The following HTR2A variants were observed in gnomAD, a reference collection of about 807,000 sequenced individuals.
HTR2A encodes the protein 5-HT2 receptor.
In HTR2A, 14 loss-of-function variants were observed where a neutral mutation model predicts 31.0. That is an observed-to-expected ratio of 0.45 (90% CI 0.30 to 0.71). The LOEUF (loss-of-function observed/expected upper bound fraction) is 0.71, where lower values mean the gene tolerates loss of function less well. Among genes scored for constraint, HTR2A ranks in the 30% least tolerant of loss-of-function variants. The pLI is 0.09. For missense variants in HTR2A, 442 were observed against 573.3 expected (o/e 0.77, Z 2.34); for synonymous variants, 209 against 225.2 (o/e 0.93, Z 0.64).
chr13:46,892,647 A>T, intron 2 of HTR2A, 57 bp from the exon 3 acceptor site: 1 of 1,361,462 alleles, frequency 7.3e-7, no homozygotes, highest in African/African-American at 1.4e-5. Flanking sequence ...GAGCACATGT[A>T]TCCCTATCCT....
intron 3 of HTR2A, among the ~76,000 whole-genome samples, chr13:46,868,639 A>G (rs1449623590): frequency 3.3e-5 from 5 of 152,160 alleles, no homozygotes; most frequent in Non-Finnish European, 5.9e-5. Flanking sequence ...CCTATGTTCA[A>G]CTGAGTTTCT....
chr13:46,867,456 T>C (rs1017423384), intron 3 of HTR2A, among the ~76,000 whole-genome samples: 3 of 152,240 alleles, frequency 2.0e-5, no homozygotes, highest in African/African-American at 2.4e-5. Context: ...TATGAATTTG[T>C]AGCAATATTA....
Position 46,835,322 on chromosome 13 carries a change from T to C in HTR2A, c.931A>G (p.Thr311Ala). Residue 311 changes from threonine (T) to alanine (A), a missense_variant, in exon 4 of 4, where the codon ACT becomes GCT. This residue lies in a region of HTR2A where 174 missense variants were observed against 195.1 expected (regional missense o/e 0.89). Coordinates refer to ENST00000542664, the MANE Select transcript of HTR2A (RefSeq NM_000621.5). ...TGCTCATTGCTGATGGACTGCATAGTCCTCCTGCCTGTGTAGGACCCTGGC... is the reference window on the plus strand; with the variant it reads ...TGCTCATTGCTGATGGACTGCATAGCCCTCCTGCCTGTGTAGGACCCTGGC... The part of the protein sequence containing the change: ...REPGSYTGRR[T>A]MQSISNEQKA... 6.2e-7 allele frequency: 1 copy of C among 1,614,092 alleles called. No homozygotes were observed. The highest frequency in any genetic ancestry group is 1.1e-5 in the South Asian group (1 of 91,080).
intron 3 of HTR2A, among the ~76,000 whole-genome samples, chr13:46,870,512 CAA>C (rs1244756992): frequency 6.6e-6 from 1 of 152,136 alleles, no homozygotes; most frequent in East Asian, 1.9e-4. Context: ...ATGTGGCAGA[CAA>C]AATATGAAAA....
At chr13:46,897,712 T>G (rs1456428947), upstream of HTR2A, among the ~76,000 whole-genome samples, 1 of 152,232 alleles carries the variant, frequency 6.6e-6, no homozygotes, top group Non-Finnish European at 1.5e-5. Flanking sequence ...AATAGTTGGG[T>G]TTTGCTACAG....
At chr13:46,888,166 C>T (rs535653975) in intron 3 of HTR2A, among the ~76,000 whole-genome samples, 7 of 151,858 alleles carry the variant, frequency 4.6e-5, no homozygotes, top group African/African-American at 1.4e-4. Context: ...GAGTCCCAGA[C>T]ATGAGGAAGA....
At chr13:46,847,941 G>A (rs1231904575) in intron 3 of HTR2A, among the ~76,000 whole-genome samples, 1 of 152,078 alleles carries the variant, frequency 6.6e-6, no homozygotes, top group Non-Finnish European at 1.5e-5. Context: ...TCTCCCTCTT[G>A]TCTTACCCAC....
At chr13:46,847,852 A>G (rs895512955) in intron 3 of HTR2A, among the ~76,000 whole-genome samples, 11 of 152,166 alleles carry the variant, frequency 7.2e-5, no homozygotes, top group African/African-American at 2.7e-4. Flanking sequence ...CAGATAGATT[A>G]GTGCCCCTGG....
chr13:46,880,199 A>T (rs1950949303), intron 3 of HTR2A, among the ~76,000 whole-genome samples: 1 of 152,188 alleles, frequency 6.6e-6, no homozygotes, highest in African/African-American at 2.4e-5. Context: ...GGTTTTGGTT[A>T]GGCCAATGAA....
intron 3 of HTR2A, among the ~76,000 whole-genome samples, chr13:46,847,071 G>A (rs769629040): frequency 6.6e-6 from 1 of 152,188 alleles, no homozygotes. Flanking sequence ...ATAAGCCAAT[G>A]TCCTAGCTAC....
Position 46,834,714 on chromosome 13 carries a change from T to C in HTR2A, c.*123A>G, listed in dbSNP as rs1318305639. The C allele has an allele frequency of 4.3e-6, 3 of 701,666 alleles. No homozygotes were observed. Among genetic ancestry groups the C allele is most frequent in the Non-Finnish European group, 7.1e-6 (3 of 422,856 alleles). The allele number at this position is 701,666 out of a possible 1,614,324, so 43.5% of individuals were successfully genotyped here. A position where few individuals can be genotyped will look rare whatever the true frequency, so the allele number is the denominator to read the frequency against. ...TTCATTGACAGAATAAAATGAGGCA[T>C]ACAGATATGATCGTTGGTTCCACTA... On this transcript the variant is annotated 3_prime_UTR_variant, in exon 4 of 4. Transcript: ENST00000542664.
intron 3 of HTR2A, among the ~76,000 whole-genome samples, chr13:46,887,137 C>T (rs949510072): frequency 1.3e-5 from 2 of 151,954 alleles, no homozygotes; most frequent in South Asian, 2.1e-4. Flanking sequence ...AATTACCAGG[C>T]GGCCAGGCGC....
intron 3 of HTR2A, among the ~76,000 whole-genome samples, chr13:46,843,755 A>C (rs144850770): frequency 7.0e-4 from 107 of 152,252 alleles, no homozygotes; most frequent in Non-Finnish European, 9.9e-4. Context: ...CTGAAATGCT[A>C]CACCAATGAG....
chr13:46,864,214 C>T (rs1393323113), intron 3 of HTR2A, among the ~76,000 whole-genome samples: 1 of 152,064 alleles, frequency 6.6e-6, no homozygotes, highest in Non-Finnish European at 1.5e-5. Context: ...CACATGGACA[C>T]ATAGGGGAAC....
intron 3 of HTR2A, among the ~76,000 whole-genome samples, chr13:46,890,163 G>C (rs925862774): frequency 6.6e-6 from 1 of 152,220 alleles, no homozygotes; most frequent in Non-Finnish European, 1.5e-5. Context: ...GACCAACATG[G>C]AGAAACCTTG....
chr13:46,868,057 G>A (rs916816544), intron 3 of HTR2A, among the ~76,000 whole-genome samples: 1 of 152,168 alleles, frequency 6.6e-6, no homozygotes, highest in African/African-American at 2.4e-5. Flanking sequence ...TTAGGCAACT[G>A]GAAATCTAGA....
chr13:46,863,657 A>AAAAAAAAAG (rs1566309853), intron 3 of HTR2A, among the ~76,000 whole-genome samples: 9 of 118,256 alleles, frequency 7.6e-5, no homozygotes, highest in Admixed American at 1.9e-4. Context: ...AAAGAAAAAA[A>AAAAAAAAAG]AAAAAGACAG....
Position 46,835,130 on chromosome 13 carries a change from C to T in HTR2A, c.1123G>A (p.Val375Ile). The change falls in exon 4 of 4, where the codon GTC becomes ATC. Residue 375 changes from valine to isoleucine, a missense_variant. Physicochemically the swap from Val to Ile is conservative, Grantham distance 29 (BLOSUM62 3). This residue lies in a region of HTR2A where 11 missense variants were observed against 31.3 expected (regional missense o/e 0.35). Coordinates refer to ENST00000542664, the MANE Select transcript of HTR2A (RefSeq NM_000621.5). ...AACAGTGTGTAGACTAGTGGGTTGA[C>T]TGCTGAAGAGAGATAACCGATCCAA... ...FVWIGYLSSA[V>I]NPLVYTLFNK... is the part of the protein sequence containing the mutation. 6.2e-7 allele frequency: 1 copy of T among 1,614,060 alleles called. No homozygotes were observed. Among genetic ancestry groups the T allele is most frequent in the Non-Finnish European group, 8.5e-7 (1 of 1,179,992 alleles).
chr13:46,889,590 T>C (rs1951034623), intron 3 of HTR2A, among the ~76,000 whole-genome samples: 1 of 152,190 alleles, frequency 6.6e-6, no homozygotes, highest in African/African-American at 2.4e-5. Context: ...GTATTACATT[T>C]AGAAATTTAC....
Sources: allele counts gnomAD v4.1 joint callset (sites outside exome capture counted in the v4.1 genomes callset), GRCh38; gene constraint gnomAD v4.1.1; regional missense constraint gnomAD v4.1.1; transcripts MANE v1.5; gene names NCBI Gene and HGNC (gene_info 2026-07-23, HGNC 2026-07-21).